Variants in KLHL1 observed in about 807,000 individuals in gnomAD.
KLHL1 encodes the protein kelch-like protein 1.
A neutral mutation model predicts 77.7 loss-of-function variants in KLHL1; 47 were observed. The observed-to-expected ratio is 0.60, with a 90% CI of 0.48 to 0.77. The LOEUF (loss-of-function observed/expected upper bound fraction) is 0.77. Among genes scored for constraint, KLHL1 ranks in the 30% least tolerant of loss-of-function variants. The pLI is 0.00. For synonymous variants in KLHL1, 360 were observed against 325.2 expected (o/e 1.11, Z -1.15); for missense variants, 925 against 910.8 (o/e 1.02, Z -0.20).
intron 7 of KLHL1, among the ~76,000 whole-genome samples, chr13:69,766,449 T>C (rs1875306464): frequency 6.6e-6 from 1 of 150,814 alleles, no homozygotes. Context: ...ATTTTTAAGT[T>C]TATTTTATGT....
chr13:69,719,315 A>G (rs1872926964), intron 9 of KLHL1, 54 bp downstream of exon 9: 2 of 1,472,178 alleles, frequency 1.4e-6, no homozygotes, highest in South Asian at 2.3e-5. Context: ...TGAATCAGGC[A>G]TCAATGTGAT....
At position 69,875,155 on chromosome 13, in the gene KLHL1, TAG is replaced by T. The variant is rs778309556; in HGVS notation, c.1227+7126_1227+7127del. Among the ~76,000 whole-genome samples the T allele has an allele frequency of 5.1e-4, 78 of 151,960 alleles. 1 individual carries two copies. Among genetic ancestry groups the T allele is most frequent in the Non-Finnish European group, 1.0e-3 (68 of 67,930 alleles). ...TGAGATTGGGGGGAAAATTACACCA[TAG>T]AGGAGTTTGGTGATTTTCATTAGGG... On this transcript the variant is annotated intron_variant, in intron 5 of 10. Transcript: ENST00000377844.
At chr13:69,728,960 A>G (rs1342060807) in intron 8 of KLHL1, among the ~76,000 whole-genome samples, 2 of 152,094 alleles carry the variant, frequency 1.3e-5, no homozygotes, top group African/African-American at 4.8e-5. Context: ...CCTACTTATA[A>G]GATGTGTTCA....
At chr13:69,707,527 T>C in intron 10 of KLHL1, 98 bp downstream of exon 10, 1 of 1,128,290 alleles carries the variant, frequency 8.9e-7, no homozygotes, top group Non-Finnish European at 1.2e-6. Flanking sequence ...TGGTTTAGGG[T>C]AATTAGACTA....
At chr13:69,868,628 T>C (rs1880461413) in intron 5 of KLHL1, among the ~76,000 whole-genome samples, 1 of 152,166 alleles carries the variant, frequency 6.6e-6, no homozygotes, top group South Asian at 2.1e-4. Context: ...AGCTGTTCAA[T>C]ATCTGCGTTG....
chr13:69,835,225 C>T (rs1323080886), intron 6 of KLHL1, among the ~76,000 whole-genome samples: 1 of 152,118 alleles, frequency 6.6e-6, no homozygotes, highest in Non-Finnish European at 1.5e-5. Flanking sequence ...AAGGACACTT[C>T]TGACTGTTGG....
intron 1 of KLHL1, among the ~76,000 whole-genome samples, chr13:70,039,353 G>T (rs1433344828): frequency 6.6e-6 from 1 of 151,866 alleles, no homozygotes; most frequent in Non-Finnish European, 1.5e-5. Context: ...CAAAGTGCTG[G>T]GATTACAGGA....
chr13:69,749,697 A>G (rs74090443), intron 7 of KLHL1, among the ~76,000 whole-genome samples: 3 of 151,992 alleles, frequency 2.0e-5, no homozygotes, highest in African/African-American at 7.2e-5. Context: ...ATTGAAGAAG[A>G]TAATCTGTCT....
chr13:69,703,707 C>T (rs1200789594), intron 10 of KLHL1, among the ~76,000 whole-genome samples: 1 of 151,482 alleles, frequency 6.6e-6, no homozygotes, highest in Non-Finnish European at 1.5e-5. Flanking sequence ...TTCTACAGTA[C>T]CTTTACTATG....
chr13:69,917,534 G>A (rs1016771180), intron 4 of KLHL1, among the ~76,000 whole-genome samples: 1 of 152,096 alleles, frequency 6.6e-6, no homozygotes, highest in Non-Finnish European at 1.5e-5. Flanking sequence ...GAAACCCTTG[G>A]AGGAATGGTT....
intron 1 of KLHL1, among the ~76,000 whole-genome samples, chr13:70,081,632 A>G (rs925388560): frequency 6.6e-6 from 1 of 152,072 alleles, no homozygotes; most frequent in Non-Finnish European, 1.5e-5. Flanking sequence ...GGAGAGAGAC[A>G]CTCTCTCTAT....
chr13:70,087,543 T>TAAA lies in KLHL1; in HGVS notation c.497+19657_497+19659dup, dbSNP rs77258175. ...AGATGAAAAGATTTTTAAAAGGACT[T>TAAA]AAAAAAAAAAAAAAAGAAACTTAGT... On this transcript the variant is annotated intron_variant, in intron 1 of 10. Coordinates refer to ENST00000377844, the MANE Select transcript of KLHL1 (RefSeq NM_020866.3). 3.5e-3 allele frequency among the ~76,000 whole-genome samples: 474 copies of TAAA among 136,074 alleles called. 3 individuals carry two copies. Among genetic ancestry groups the TAAA allele is most frequent in the African/African-American group, 0.012 (438 of 37,648 alleles). The allele number at this position is 136,074 out of a possible 152,430, so 89.3% of individuals were successfully genotyped here. A position where few individuals can be genotyped will look rare whatever the true frequency, so the allele number is the denominator to read the frequency against.
intron 4 of KLHL1, among the ~76,000 whole-genome samples, chr13:69,931,585 T>C (rs1408944561): frequency 2.0e-5 from 3 of 151,838 alleles, no homozygotes; most frequent in South Asian, 2.1e-4. Flanking sequence ...CATAGGAAAA[T>C]ATAACACATT....
At chr13:69,988,546 G>A (rs761273697) in intron 1 of KLHL1, among the ~76,000 whole-genome samples, 4 of 151,978 alleles carry the variant, frequency 2.6e-5, no homozygotes, top group Non-Finnish European at 5.9e-5. Context: ...ACTGTCTTCC[G>A]CAACAGATGA....
intron 1 of KLHL1, among the ~76,000 whole-genome samples, chr13:70,026,079 C>T (rs555271584): frequency 6.6e-6 from 1 of 152,242 alleles, no homozygotes; most frequent in African/African-American, 2.4e-5. Context: ...GGATATCCCT[C>T]TGGCTGCTCC....
chr13:69,959,177 T>C (rs1283447020), intron 3 of KLHL1, among the ~76,000 whole-genome samples: 1 of 152,042 alleles, frequency 6.6e-6, no homozygotes, highest in Non-Finnish European at 1.5e-5. Flanking sequence ...GGGTCATTAT[T>C]TCAGCAGGGA....
At chr13:69,762,228 G>A (rs1186533837) in intron 7 of KLHL1, among the ~76,000 whole-genome samples, 1 of 152,056 alleles carries the variant, frequency 6.6e-6, no homozygotes, top group Non-Finnish European at 1.5e-5. Flanking sequence ...ATGGCATTAG[G>A]CAAAACTAAC....
At chr13:69,986,336 T>C (rs901092952) in intron 1 of KLHL1, among the ~76,000 whole-genome samples, 1 of 152,036 alleles carries the variant, frequency 6.6e-6, no homozygotes, top group Non-Finnish European at 1.5e-5. Context: ...GTTTTGAATG[T>C]TCTCATCACA....
At chr13:69,738,035 A>G (rs1873834951) in intron 8 of KLHL1, among the ~76,000 whole-genome samples, 1 of 152,112 alleles carries the variant, frequency 6.6e-6, no homozygotes, top group South Asian at 2.1e-4. Context: ...ATGAAGAAGG[A>G]GCAAGCTGCC....
Sources: allele counts gnomAD v4.1 joint callset (sites outside exome capture counted in the v4.1 genomes callset), GRCh38; gene constraint gnomAD v4.1.1; transcripts MANE v1.5; gene names NCBI Gene and HGNC (gene_info 2026-07-23, HGNC 2026-07-21).